The following SVOPL variants were observed in gnomAD, a reference collection of about 807,000 sequenced individuals.
SVOPL encodes putative transporter SVOPL.
SVOPL carries 60 observed loss-of-function variants against 61.0 expected under a neutral mutation model. That is an observed-to-expected ratio of 0.98 (90% CI 0.80 to 1.22). The LOEUF is 1.22. SVOPL is among the 50% of genes most tolerant of loss of function. The pLI, the probability that SVOPL is intolerant of heterozygous loss-of-function variation, is 0.00. For missense variants in SVOPL, 662 were observed against 643.9 expected, an observed-to-expected ratio of 1.03 and a Z score of -0.30; for synonymous variants, 279 against 250.0, an observed-to-expected ratio of 1.12 and a Z score of -1.09.
intron 1 of SVOPL, among the ~76,000 whole-genome samples, chr7:138,691,596 G>A (rs1055439473): frequency 2.0e-5 from 3 of 152,084 alleles, no homozygotes; most frequent in East Asian, 1.9e-4. Context: ...GCTGGAGTGC[G>A]ATGGCGTGAT....
chr7:138,617,447 T>G (rs1349396041), intron 14 of SVOPL, among the ~76,000 whole-genome samples: 1 of 151,938 alleles, frequency 6.6e-6, no homozygotes, highest in South Asian at 2.1e-4. Context: ...GAGGAAGAAT[T>G]AAGTGAAAGG....
chr7:138,629,153 G>GTATATA (rs1554459929), intron 10 of SVOPL, among the ~76,000 whole-genome samples: 10 of 147,376 alleles, frequency 6.8e-5, no homozygotes, highest in African/African-American at 2.0e-4. Flanking sequence ...GTGTGTGTGT[G>GTATATA]TATATATGTA....
intron 9 of SVOPL, among the ~76,000 whole-genome samples, chr7:138,633,143 G>A (rs1800295647): frequency 6.6e-6 from 1 of 152,178 alleles, no homozygotes; most frequent in South Asian, 2.1e-4. Context: ...GTAGCTTTCT[G>A]AACTCCAAAC....
At chr7:138,656,998 T>A (rs1484974163) in intron 6 of SVOPL, among the ~76,000 whole-genome samples, 3 of 151,198 alleles carry the variant, frequency 2.0e-5, no homozygotes, top group Admixed American at 6.6e-5. Context: ...GCCAATATTG[T>A]GCCATTGCAC....
At chr7:138,651,129 C>A (rs757419277) in intron 7 of SVOPL, among the ~76,000 whole-genome samples, 2 of 152,078 alleles carry the variant, frequency 1.3e-5, no homozygotes, top group East Asian at 3.9e-4. Flanking sequence ...CCACCAGGAT[C>A]GTTGGAAGGG....
At chr7:138,685,826 T>C (rs1210811106) in intron 1 of SVOPL, among the ~76,000 whole-genome samples, 4 of 151,528 alleles carry the variant, frequency 2.6e-5, no homozygotes, top group South Asian at 2.1e-4. Context: ...GAGCTGAGAT[T>C]GCACCGCTGC....
chr7:138,611,012 A>G (rs1391226549), intron 14 of SVOPL, among the ~76,000 whole-genome samples: 3 of 152,176 alleles, frequency 2.0e-5, no homozygotes, highest in Non-Finnish European at 4.4e-5. Context: ...TGAAACACCC[A>G]GTCACCTCTG....
intron 1 of SVOPL, among the ~76,000 whole-genome samples, chr7:138,697,845 G>T (rs959229549): frequency 6.6e-6 from 1 of 151,918 alleles, no homozygotes; most frequent in Non-Finnish European, 1.5e-5. Context: ...GAAGATGAAA[G>T]AAGATAATCC....
intron 9 of SVOPL, among the ~76,000 whole-genome samples, chr7:138,632,169 T>TGC (rs1800235237): frequency 6.6e-6 from 1 of 152,184 alleles, no homozygotes; most frequent in African/African-American, 2.4e-5. Context: ...CGGTGGTTCA[T>TGC]GCCTGTGATC....
intron 1 of SVOPL, among the ~76,000 whole-genome samples, 161 bp from the exon 2 acceptor site, chr7:138,679,240 C>A (rs1008069219): frequency 6.6e-6 from 1 of 152,096 alleles, no homozygotes; most frequent in African/African-American, 2.4e-5. Flanking sequence ...TGGAACCAAG[C>A]AGCTCAGTGT....
At chr7:138,601,835 C>T (rs1798538152) in intron 14 of SVOPL, among the ~76,000 whole-genome samples, 1 of 152,122 alleles carries the variant, frequency 6.6e-6, no homozygotes, top group Admixed American at 6.6e-5. Flanking sequence ...CCACGTGTCT[C>T]TGCCCTATTG....
At position 138,644,099 on chromosome 7, in the gene SVOPL, G is replaced by T. The variant is rs536533830; in HGVS notation, c.789+618C>A. 6.9e-4 allele frequency among the ~76,000 whole-genome samples: 104 copies of T among 150,080 alleles called. 2 individuals are homozygous for T. The South Asian group carries it at 0.019, about 28-fold the overall frequency. ...ACCTGTAGTCCCAGCTACTCGGGAG[G>T]CTGACACAGGAGAATCACTTGAACC... On this transcript the variant is annotated intron_variant, in intron 9 of 15. Transcript: ENST00000674285.
At position 138,608,954 on chromosome 7, in the gene SVOPL, A is replaced by T. The variant is rs185985810; in HGVS notation, c.1353+12092T>A. Among the ~76,000 whole-genome samples, 4 of 152,192 alleles carry T rather than the reference A, an allele frequency of 2.6e-5. No homozygotes were observed. In the East Asian group the frequency reaches 5.8e-4, roughly 22 times the overall value. Reference sequence around the variant, plus strand: ...CTAAAAATCCTTTATAGACAAACCCACCCACCCACACATATATATACACAC... The same window carrying T: ...CTAAAAATCCTTTATAGACAAACCCTCCCACCCACACATATATATACACAC... On this transcript the variant is annotated intron_variant, in intron 14 of 15. Transcript: ENST00000674285.
At chr7:138,632,618 A>G (rs1800263080) in intron 9 of SVOPL, among the ~76,000 whole-genome samples, 2 of 151,510 alleles carry the variant, frequency 1.3e-5, no homozygotes, top group South Asian at 4.2e-4. Context: ...AGGAGAGGAA[A>G]AGCAGAGGAA....
chr7:138,602,352 A>G (rs1673214), intron 14 of SVOPL, among the ~76,000 whole-genome samples: 50,893 of 151,248 alleles, frequency 0.34, 9,243 homozygotes, highest in East Asian at 0.51. Flanking sequence ...TATGGCACAT[A>G]CATGCCACAG....
chr7:138,657,350 C>G (rs1287438041), intron 6 of SVOPL, among the ~76,000 whole-genome samples: 3 of 151,902 alleles, frequency 2.0e-5, no homozygotes, highest in South Asian at 4.2e-4. Context: ...GAGATGGGAC[C>G]TTGCTGCATT....
chr7:138,621,802 G>GTATC (rs1199631916), intron 13 of SVOPL, among the ~76,000 whole-genome samples: 8 of 121,864 alleles, frequency 6.6e-5, no homozygotes, highest in African/African-American at 2.8e-4. Context: ...ATCTATCTAT[G>GTATC]TATCTATCTA....
chr7:138,657,351 T>A (rs1434914113), intron 6 of SVOPL, among the ~76,000 whole-genome samples: 2 of 152,018 alleles, frequency 1.3e-5, no homozygotes, highest in Non-Finnish European at 2.9e-5. Flanking sequence ...AGATGGGACC[T>A]TGCTGCATTG....
chr7:138,677,150 C>T (rs932593009), intron 3 of SVOPL, among the ~76,000 whole-genome samples: 13 of 152,016 alleles, frequency 8.6e-5, no homozygotes, highest in African/African-American at 1.5e-4. Context: ...GTGATCCGCC[C>T]GCCTCGGCCT....
Sources: allele counts gnomAD v4.1 joint callset (sites outside exome capture counted in the v4.1 genomes callset), GRCh38; gene constraint gnomAD v4.1.1; transcripts MANE v1.5; gene names NCBI Gene and HGNC (gene_info 2026-07-23, HGNC 2026-07-21).